The following LARGE1 variants were observed in gnomAD, a reference collection of about 807,000 sequenced individuals.
LARGE1 encodes the protein xylosyl- and glucuronyltransferase LARGE1.
LARGE1 carries 43 observed loss-of-function variants against 87.6 expected under a neutral mutation model. The observed-to-expected ratio is 0.49, with a 90% confidence interval of 0.38 to 0.63. LARGE1 has a LOEUF of 0.63. Among genes scored for constraint, LARGE1 ranks in the 30% least tolerant of loss-of-function variants. The pLI, the probability that LARGE1 is intolerant of heterozygous loss-of-function variation, is 0.00. For missense variants in LARGE1, 802 were observed against 1,000.2 expected, an observed-to-expected ratio of 0.80 and a Z score of 2.67; for synonymous variants, 434 against 394.6, an observed-to-expected ratio of 1.10 and a Z score of -1.18.
chr22:33,189,274 C>T (rs1923651925), intron 11 of LARGE1, among the ~76,000 whole-genome samples: 1 of 152,142 alleles, frequency 6.6e-6, no homozygotes, highest in Non-Finnish European at 1.5e-5. Context: ...CTTTGTCGTC[C>T]CAGAATGAAG....
chr22:33,694,218 T>C (rs558001667), intron 2 of LARGE1, among the ~76,000 whole-genome samples: 13 of 152,352 alleles, frequency 8.5e-5, no homozygotes, highest in African/African-American at 3.1e-4. Flanking sequence ...CTCCCCACCT[T>C]TTCATAACAC....
chr22:33,649,943 T>C (rs1375560628), intron 3 of LARGE1, among the ~76,000 whole-genome samples: 3 of 152,184 alleles, frequency 2.0e-5, no homozygotes, highest in African/African-American at 7.2e-5. Flanking sequence ...AGGCTGTTTA[T>C]ACAGTGAAGT....
At chr22:33,121,309 G>C in the LARGE1 span, among the ~76,000 whole-genome samples, 1 of 152,172 alleles carries the variant, frequency 6.6e-6, no homozygotes, top group African/African-American at 2.4e-5. Flanking sequence ...TTGAGCCTTT[G>C]AGCTAGAACA....
chr22:33,342,545 T>C (rs713690), intron 9 of LARGE1, among the ~76,000 whole-genome samples: 119,053 of 152,148 alleles, frequency 0.78, 47,398 homozygotes, highest in African/African-American at 0.94. Context: ...TAACTACTAT[T>C]ATATCTAGTC....
intron 11 of LARGE1, among the ~76,000 whole-genome samples, chr22:33,211,584 T>C (rs1347026434): frequency 6.6e-6 from 1 of 151,750 alleles, no homozygotes; most frequent in Non-Finnish European, 1.5e-5. Flanking sequence ...CCAGCCTGGC[T>C]AACATGCTGA....
At chr22:33,824,581 A>G (rs2062728163) in intron 1 of LARGE1, among the ~76,000 whole-genome samples, 1 of 151,974 alleles carries the variant, frequency 6.6e-6, no homozygotes, top group East Asian at 1.9e-4. Flanking sequence ...TCACTTACAC[A>G]CTCATTCATG....
At chr22:33,399,077 C>T (rs763752217) in intron 7 of LARGE1, among the ~76,000 whole-genome samples, 2 of 152,142 alleles carry the variant, frequency 1.3e-5, no homozygotes, top group Non-Finnish European at 2.9e-5. Flanking sequence ...ATCAACCCAT[C>T]ATCTAGGTTT....
At chr22:33,765,362 C>A (rs2084867504) in intron 1 of LARGE1, among the ~76,000 whole-genome samples, 1 of 151,988 alleles carries the variant, frequency 6.6e-6, no homozygotes, top group South Asian at 2.1e-4. Context: ...TATATCATAA[C>A]TGTTAACTCT....
chr22:33,907,761 A>AT (rs1184895411), intron 1 of LARGE1, among the ~76,000 whole-genome samples: 8 of 150,858 alleles, frequency 5.3e-5, no homozygotes, highest in Admixed American at 1.3e-4. Context: ...CGCCCGGCTA[A>AT]TTTTTTTTTG....
At position 33,570,845 on chromosome 22, in the gene LARGE1, G is replaced by A. The variant is rs144348881; in HGVS notation, c.616-5826C>T. Among the ~76,000 whole-genome samples the A allele has an allele frequency of 1.8e-4, 28 of 151,874 alleles. No homozygotes were observed. The East Asian group carries it at 3.7e-3, about 20-fold the overall frequency. Reference sequence around the variant, plus strand: ...CTGGTATTAATCTCATTTCCATGCCGCAACACACTTCAGTCCAACCAGGAA... The same window carrying A: ...CTGGTATTAATCTCATTTCCATGCCACAACACACTTCAGTCCAACCAGGAA... On this transcript the variant is annotated intron_variant, in intron 5 of 14. Transcript: ENST00000397394.
At chr22:33,765,937 T>G (rs1556034265) in intron 1 of LARGE1, among the ~76,000 whole-genome samples, 1 of 152,166 alleles carries the variant, frequency 6.6e-6, no homozygotes, top group Non-Finnish European at 1.5e-5. Context: ...GTTCCCCTTT[T>G]ATGATAACAC....
At chr22:33,104,756 C>T in the LARGE1 span, among the ~76,000 whole-genome samples, 2 of 152,180 alleles carry the variant, frequency 1.3e-5, no homozygotes, top group African/African-American at 4.8e-5. Flanking sequence ...AACAACTTTT[C>T]TGCCTTCCTC....
At chr22:33,093,739 T>G in the LARGE1 span, among the ~76,000 whole-genome samples, 1 of 151,940 alleles carries the variant, frequency 6.6e-6, no homozygotes, top group Non-Finnish European at 1.5e-5. Flanking sequence ...AAAATTCTAT[T>G]CTGCACTGGG....
chr22:33,891,218 C>T (rs984317650), intron 1 of LARGE1, among the ~76,000 whole-genome samples: 1 of 152,186 alleles, frequency 6.6e-6, no homozygotes, highest in African/African-American at 2.4e-5. Context: ...CCTCTGTGCT[C>T]TACCAAATGC....
intron 1 of LARGE1, among the ~76,000 whole-genome samples, chr22:33,766,920 AT>A (rs2084921539): frequency 2.4e-4 from 1 of 4,242 alleles, no homozygotes; most frequent in South Asian, 8.5e-3. Flanking sequence ...ATACATATAT[AT>A]ATATATATAT....
At chr22:33,766,841 C>A (rs553963311) in intron 1 of LARGE1, among the ~76,000 whole-genome samples, 1 of 145,480 alleles carries the variant, frequency 6.9e-6, no homozygotes, top group African/African-American at 2.6e-5. Context: ...ACCTATATAC[C>A]TATATAAGAA....
chr22:33,265,392 G>A (rs756010587), intron 11 of LARGE1, among the ~76,000 whole-genome samples: 1 of 152,142 alleles, frequency 6.6e-6, no homozygotes, highest in Non-Finnish European at 1.5e-5. Flanking sequence ...TGTATTCAGA[G>A]CTGAATCCAA....
the LARGE1 span, among the ~76,000 whole-genome samples, chr22:33,107,574 G>T: frequency 6.6e-6 from 1 of 150,594 alleles, no homozygotes; most frequent in Admixed American, 6.6e-5. Context: ...CATTTAAAAA[G>T]CTACATTTAG....
At chr22:33,341,410 C>T (rs1939130374) in intron 9 of LARGE1, among the ~76,000 whole-genome samples, 1 of 152,050 alleles carries the variant, frequency 6.6e-6, no homozygotes, top group African/African-American at 2.4e-5. Context: ...CTTCTTGTTT[C>T]CCTCCTTTGG....
Sources: allele counts gnomAD v4.1 joint callset (sites outside exome capture counted in the v4.1 genomes callset), GRCh38; gene constraint gnomAD v4.1.1; transcripts MANE v1.5; gene names NCBI Gene and HGNC (gene_info 2026-07-23, HGNC 2026-07-21).